The following AKAP12 variants were observed in gnomAD, a reference collection of about 807,000 sequenced individuals.
AKAP12 encodes A-kinase anchoring protein 12.
In AKAP12, 32 loss-of-function variants were observed where a neutral mutation model predicts 79.9. That is an observed-to-expected ratio of 0.40 (90% CI 0.30 to 0.54). AKAP12 has a LOEUF of 0.54. Among genes scored for constraint, AKAP12 ranks in the 20% least tolerant of loss-of-function variants. AKAP12 has a pLI of 0.48. For synonymous variants in AKAP12, 808 were observed against 857.0 expected (o/e 0.94, Z 1.00); for missense variants, 2,074 against 2,177.0 (o/e 0.95, Z 0.94).
At chr6:151,302,226 G>T (rs982400460) in intron 2 of AKAP12, among the ~76,000 whole-genome samples, 4 of 151,950 alleles carry the variant, frequency 2.6e-5, no homozygotes, top group African/African-American at 9.7e-5. Flanking sequence ...TAGCCAGGAT[G>T]GTCTCGATCT....
At chr6:151,336,335 A>T (rs990731190) in intron 3 of AKAP12, among the ~76,000 whole-genome samples, 1 of 152,196 alleles carries the variant, frequency 6.6e-6, no homozygotes, top group African/African-American at 2.4e-5. Flanking sequence ...TTCCTTGAGA[A>T]ATCTCCATAT....
At chr6:151,326,438 GTTA>G (rs1434982421) in intron 3 of AKAP12, among the ~76,000 whole-genome samples, 8 of 144,806 alleles carry the variant, frequency 5.5e-5, no homozygotes, top group Admixed American at 4.3e-4. Flanking sequence ...TAAAGCCATA[GTTA>G]TTATAAAATC....
chr6:151,324,990 C>T (rs1777487624), intron 3 of AKAP12: 2 of 985,322 alleles, frequency 2.0e-6, no homozygotes, highest in Admixed American at 6.1e-5. Flanking sequence ...AAAAAGTTAG[C>T]TAACTTCTGC....
chr6:151,349,870 C>T lies in AKAP12; in HGVS notation c.1479C>T (p.Pro493=), dbSNP rs747168360. ...SPDEKVLSKP[P]EGVVSEVEML... ...ATGAGAAGGTGCTGTCCAAACCCCC[C>T]GAAGGCGTTGTGAGTGAGGTGGAAA... Residue 493 remains proline, a synonymous_variant, in exon 4 of 5, where the codon CCC becomes CCT. Coordinates refer to ENST00000402676, the MANE Select transcript of AKAP12 (RefSeq NM_005100.4). 3.1e-6 allele frequency: 5 copies of T among 1,614,016 alleles called. No homozygotes were observed. The highest frequency in any genetic ancestry group is 3.3e-5 in the Admixed American group (2 of 59,992).
At chr6:151,242,630 C>G (rs1056312536) in intron 2 of AKAP12, among the ~76,000 whole-genome samples, 7 of 152,218 alleles carry the variant, frequency 4.6e-5, no homozygotes, top group African/African-American at 1.4e-4. Context: ...GCACCATGGC[C>G]CTTGCCTCCC....
At chr6:151,241,081 G>C (rs1489785842) in intron 2 of AKAP12, among the ~76,000 whole-genome samples, 1 of 152,196 alleles carries the variant, frequency 6.6e-6, no homozygotes, top group Non-Finnish European at 1.5e-5. Flanking sequence ...CGCGGAGGGG[G>C]ATCCGTGGAG....
chr6:151,297,246 C>A (rs1288560747), intron 2 of AKAP12, among the ~76,000 whole-genome samples: 1 of 151,346 alleles, frequency 6.6e-6, no homozygotes, highest in Admixed American at 6.6e-5. Context: ...CCCTCGCAAC[C>A]TGAGGATCTG....
intron 3 of AKAP12, among the ~76,000 whole-genome samples, chr6:151,329,662 A>T (rs920194980): frequency 6.6e-6 from 1 of 152,206 alleles, no homozygotes; most frequent in African/African-American, 2.4e-5. Flanking sequence ...CACATCTGCT[A>T]TGGAGACAGA....
chr6:151,341,638 C>T lies in AKAP12; in HGVS notation c.320-7073C>T, dbSNP rs959055639. ...GCCTCACGGGCGGCTGTTGGGCTGC[C>T]CCTGCCGGCGGGCTGCGCGCGCCAT... On this transcript the variant is annotated intron_variant, in intron 3 of 4. Transcript: ENST00000402676. The T allele has an allele frequency of 3.8e-5, 40 of 1,056,126 alleles. No homozygotes were observed. In the African/African-American group the frequency reaches 6.8e-4, roughly 18 times the overall value. The allele number at this position is 1,056,126 out of a possible 1,614,324, so 65.4% of individuals were successfully genotyped here. A position where few individuals can be genotyped will look rare whatever the true frequency, so the allele number is the denominator to read the frequency against.
chr6:151,245,204 A>G (rs1266587638), intron 2 of AKAP12, among the ~76,000 whole-genome samples: 1 of 152,156 alleles, frequency 6.6e-6, no homozygotes, highest in African/African-American at 2.4e-5. Flanking sequence ...ACTAAATGGC[A>G]TCATCCCCCA....
At chr6:151,257,399 C>T (rs1040315437) in intron 2 of AKAP12, among the ~76,000 whole-genome samples, 7 of 152,072 alleles carry the variant, frequency 4.6e-5, no homozygotes, top group African/African-American at 1.4e-4. Flanking sequence ...CAGGTTCAAG[C>T]GATTCTCCTG....
chr6:151,315,855 G>C (rs1377064889), intron 3 of AKAP12, among the ~76,000 whole-genome samples: 1 of 152,106 alleles, frequency 6.6e-6, no homozygotes, highest in African/African-American at 2.4e-5. Context: ...TTCTTCACAT[G>C]GCAGCAGGAA....
At chr6:151,283,959 C>G (rs1401658093) in intron 2 of AKAP12, among the ~76,000 whole-genome samples, 1 of 152,224 alleles carries the variant, frequency 6.6e-6, no homozygotes, top group African/African-American at 2.4e-5. Context: ...CTCCAGCTTG[C>G]TCTCCTTCAG....
intron 2 of AKAP12, among the ~76,000 whole-genome samples, chr6:151,274,924 T>TG (rs1267401201): frequency 6.6e-6 from 1 of 151,976 alleles, no homozygotes; most frequent in African/African-American, 2.4e-5. Flanking sequence ...GCAACATGGG[T>TG]GAAACCCCAC....
rs547704128 is a variant in AKAP12 at position 151,289,939 on chromosome 6, G to A, written c.163-15808G>A. On this transcript the variant is annotated intron_variant, in intron 2 of 4. Coordinates refer to ENST00000402676, the MANE Select transcript of AKAP12 (RefSeq NM_005100.4). ...TTGGATTGTAATTCTTTCCTCCTTG[G>A]GTAACATGATGACTAGCATGGTTAT... Among the ~76,000 whole-genome samples the A allele has an allele frequency of 2.0e-5, 3 of 152,198 alleles. No homozygotes were observed. In the South Asian group the frequency reaches 6.2e-4, roughly 32 times the overall value.
intron 3 of AKAP12, among the ~76,000 whole-genome samples, chr6:151,338,409 T>G (rs1562746507): frequency 6.6e-6 from 1 of 152,236 alleles, no homozygotes; most frequent in East Asian, 1.9e-4. Context: ...TACTCATTCC[T>G]TATTTGATGT....
At chr6:151,280,773 T>G (rs1397518736) in intron 2 of AKAP12, among the ~76,000 whole-genome samples, 1 of 151,236 alleles carries the variant, frequency 6.6e-6, no homozygotes, top group Non-Finnish European at 1.5e-5. Flanking sequence ...CCCGAGTAGC[T>G]AGGACTACAG....
Position 151,297,185 on chromosome 6 carries a change from A to G in AKAP12, c.163-8562A>G, listed in dbSNP as rs1776751612. 1.3e-5 allele frequency among the ~76,000 whole-genome samples: 2 copies of G among 151,148 alleles called. 1 individual carries two copies. Among genetic ancestry groups the G allele is most frequent in the Non-Finnish European group, 3.0e-5 (2 of 67,702 alleles). ...TGGGCTCACTGATACACACCACACA[A>G]CTCTGGGTGTATGTGTATGTGTGTG... On this transcript the variant is annotated intron_variant, in intron 2 of 4. Coordinates refer to ENST00000402676, the MANE Select transcript of AKAP12 (RefSeq NM_005100.4).
rs1325792293 is a variant in AKAP12, at chr6:151,349,454, C to G, written c.1063C>G (p.Gln355Glu). Residue 355 changes from glutamine (Q) to glutamate (E), a missense_variant, in exon 4 of 5, where the codon CAA becomes GAA. Transcript: ENST00000402676. ...CTCCGAGAAACTGACCGCCTCCGAGCAAGCCCACCCACAGGAGCCGGCAGA... is the reference window on the plus strand; with the variant it reads ...CTCCGAGAAACTGACCGCCTCCGAGGAAGCCCACCCACAGGAGCCGGCAGA... ...VASEKLTASE[Q>E]AHPQEPAESA... 6 of 1,606,306 alleles carry G rather than the reference C, an allele frequency of 3.7e-6. No homozygotes were observed. The highest frequency in any genetic ancestry group is 5.1e-6 in the Non-Finnish European group (6 of 1,177,836).
Sources: gnomAD v4.1 joint callset for allele counts (sites outside exome capture counted in the v4.1 genomes callset) on GRCh38, gnomAD v4.1.1 for gene constraint, MANE v1.5 for transcripts, NCBI Gene and HGNC (gene_info 2026-07-23, HGNC 2026-07-21) for gene names.